CFAP251: variants seen among roughly 807,000 people sequenced by gnomAD.
CFAP251 encodes cilia and flagella associated protein 251, also known as cilia- and flagella-associated protein 251.
Under a neutral mutation model 126.7 loss-of-function variants are expected in CFAP251, and 93 were observed. That is an observed-to-expected ratio of 0.73 (90% confidence interval 0.62 to 0.87). The LOEUF (loss-of-function observed/expected upper bound fraction) is 0.87. Among genes scored for constraint, CFAP251 ranks in the 40% least tolerant of loss-of-function variants. The probability of loss-of-function intolerance (pLI) is 0.00; values close to 1 mark genes in which losing one functional copy is unlikely to be tolerated. For synonymous variants in CFAP251, 503 were observed against 506.9 expected, an observed-to-expected ratio of 0.99 and a Z score of 0.10; for missense variants, 1,287 against 1,389.2, an observed-to-expected ratio of 0.93 and a Z score of 1.17.
rs1452421276 is a variant in CFAP251, at chr12:121,918,670, A to C, written c.-46A>C. On this transcript the variant is annotated 5_prime_UTR_variant, in exon 1 of 22. Coordinates refer to ENST00000288912, the MANE Select transcript of CFAP251 (RefSeq NM_144668.6). The surrounding 1 kb of genome is among the most constrained non-coding windows in gnomAD (Gnocchi z 4.3). ...GTGGCTGAGGGGTCCAGGCGGCGGG[A>C]CGACTCTGGCCTTTTGAAGACCGGG... is the stretch of plus-strand genomic sequence containing the variant. 6.5e-6 allele frequency: 1 copy of C among 153,210 alleles called. No individual in the cohort carries two copies. The highest frequency in any genetic ancestry group is 1.5e-5 in the Non-Finnish European group (1 of 68,840). 9.5% of individuals were successfully genotyped at this position (153,210 alleles called of 1,614,324 possible).
At chr12:121,996,615 G>GA (rs1435850641) in intron 19 of CFAP251, among the ~76,000 whole-genome samples, 1 of 152,068 alleles carries the variant, frequency 6.6e-6, no homozygotes, top group African/African-American at 2.4e-5. Context: ...TCTCATTCGA[G>GA]AAAAATTAGA....
intron 19 of CFAP251, among the ~76,000 whole-genome samples, chr12:121,986,262 G>A (rs573339123): frequency 6.6e-6 from 1 of 151,500 alleles, no homozygotes; most frequent in East Asian, 1.9e-4. Flanking sequence ...AAAGTGCTGG[G>A]ATTATAGGCA....
intron 19 of CFAP251, among the ~76,000 whole-genome samples, chr12:121,977,608 C>T (rs1160476779): frequency 6.6e-6 from 1 of 151,756 alleles, no homozygotes; most frequent in Non-Finnish European, 1.5e-5. Flanking sequence ...TGCAGTGAGC[C>T]AAGATCACAC....
intron 7 of CFAP251, among the ~76,000 whole-genome samples, chr12:121,944,193 G>GT (rs1186229927): frequency 6.6e-6 from 1 of 152,170 alleles, no homozygotes; most frequent in East Asian, 1.9e-4. Flanking sequence ...AGGCACTGTG[G>GT]TAAGTACATG....
chr12:121,972,065 G>A (rs1882346428), intron 17 of CFAP251: 3 of 208,032 alleles, frequency 1.4e-5, no homozygotes, highest in Admixed American at 5.4e-5. Context: ...TCTTTCTTTT[G>A]TAAATTGTGC....
intron 21 of CFAP251, among the ~76,000 whole-genome samples, chr12:122,002,899 C>T (rs1186382442): frequency 6.6e-6 from 1 of 152,038 alleles, no homozygotes; most frequent in East Asian, 1.9e-4. Context: ...TTGTCCATTC[C>T]CCACATCAAA....
intron 19 of CFAP251, among the ~76,000 whole-genome samples, chr12:121,996,311 A>G (rs537682392): frequency 6.6e-6 from 1 of 152,166 alleles, no homozygotes; most frequent in African/African-American, 2.4e-5. Context: ...CAAACCCCAC[A>G]GTTTATTGGG....
intron 3 of CFAP251, among the ~76,000 whole-genome samples, chr12:121,925,048 A>G (rs1592960796): frequency 6.9e-6 from 1 of 145,772 alleles, no homozygotes; most frequent in Admixed American, 6.9e-5. Flanking sequence ...ACATTGTAAA[A>G]CTCCTCCTTC....
intron 10 of CFAP251, among the ~76,000 whole-genome samples, chr12:121,955,150 C>G (rs1382151036): frequency 6.6e-6 from 1 of 152,006 alleles, no homozygotes. Flanking sequence ...AAAAATTAGG[C>G]AGGTGTGGTG....
rs1207019997 is a variant in CFAP251, at chr12:121,934,307, GCAGA to G, written c.952_955del (p.Asp318LysfsTer7). The G allele has an allele frequency of 1.9e-6, 3 of 1,613,940 alleles. No homozygotes were observed. Among genetic ancestry groups the G allele is most frequent in the Admixed American group, 1.7e-5 (1 of 59,996 alleles). ...TGAAGACAGGCGGTGGATCGCCACA[GCAGA>G]CAAAGGGCCAGACTGCCTGGTGATT... On this transcript the variant is annotated frameshift_variant, in exon 5 of 22. Transcript: ENST00000288912. LOFTEE classifies it high-confidence loss of function.
At chr12:121,970,057 C>T (rs1028674733) in intron 17 of CFAP251, 1 of 676,542 alleles carries the variant, frequency 1.5e-6, no homozygotes, top group Non-Finnish European at 1.8e-6. Context: ...GAATTTCCTA[C>T]TAGAGTTACT....
chr12:121,954,904 A>T (rs370097109), intron 10 of CFAP251, among the ~76,000 whole-genome samples: 103 of 152,264 alleles, frequency 6.8e-4, no homozygotes, highest in Non-Finnish European at 1.2e-3. Context: ...AAGGAACTAG[A>T]TTTTTTCTTC....
intron 10 of CFAP251, among the ~76,000 whole-genome samples, chr12:121,954,636 TAAAA>T (rs1174239421): frequency 1.9e-4 from 8 of 41,984 alleles, no homozygotes; most frequent in African/African-American, 5.9e-4. Context: ...CCTCCTGTCT[TAAAA>T]AAAAAAAAAA....
At position 121,968,077 on chromosome 12, in the gene CFAP251, G is replaced by T. The variant is rs750049252; in HGVS notation, c.2679G>T (p.Gly893=). Residue 893 remains glycine, a synonymous_variant, in exon 17 of 22, where the codon GGG becomes GGT. Coordinates refer to ENST00000288912, the MANE Select transcript of CFAP251 (RefSeq NM_144668.6). The part of the protein sequence containing the change: ...KTSAIVCHPN[G]VAGMAVSYDG... ...CTGCTATTGTTTGCCACCCGAACGG[G>T]GTGGCCGGCATGGCCGTTTCCTATG... The T allele has an allele frequency of 1.9e-6, 3 of 1,613,726 alleles. No homozygotes were observed. The highest frequency in any genetic ancestry group is 1.1e-5 in the South Asian group (1 of 91,044).
chr12:121,980,358 G>GGAATTCT (rs754862887), intron 19 of CFAP251, among the ~76,000 whole-genome samples: 5 of 151,974 alleles, frequency 3.3e-5, no homozygotes, highest in Non-Finnish European at 7.4e-5. Context: ...TGGCTTCCAC[G>GGAATTCT]GAATTCTGAG....
At chr12:121,931,987 G>A in intron 4 of CFAP251, 101 bp downstream of exon 4, 8 of 1,194,372 alleles carry the variant, frequency 6.7e-6, no homozygotes, top group Non-Finnish European at 7.7e-6. Flanking sequence ...TATCACTGTC[G>A]TATTTTCCCA....
chr12:121,963,614 C>T (rs1318424111), intron 15 of CFAP251, among the ~76,000 whole-genome samples: 1 of 149,862 alleles, frequency 6.7e-6, no homozygotes, highest in Non-Finnish European at 1.5e-5. Context: ...CTCCTGATGC[C>T]ATCCTGCACA....
At chr12:121,923,534 C>T (rs776945697) in intron 2 of CFAP251, 88 bp from the exon 3 acceptor site, 6 of 1,490,714 alleles carry the variant, frequency 4.0e-6, no homozygotes, top group Non-Finnish European at 5.4e-6. Context: ...GAGGCTAACA[C>T]TAAGACTGGC....
rs1279202334 is a variant in CFAP251, at chr12:121,966,419, CCTGG to C, written c.2493-533_2493-530del. Among the ~76,000 whole-genome samples the C allele has an allele frequency of 8.7e-5, 10 of 114,424 alleles. No homozygotes were observed. In the South Asian group the frequency reaches 1.2e-3, roughly 14 times the overall value. The allele number at this position is 114,424 out of a possible 152,430, so 75.1% of individuals were successfully genotyped here. ...GGGACTACAGGCGCGCACCACTATG[CCTGG>C]CTAATTTTTTTTTTTTTTTTTTTTT... On this transcript the variant is annotated intron_variant, in intron 15 of 21. Transcript: ENST00000288912.
Sources: allele counts gnomAD v4.1 joint callset (sites outside exome capture counted in the v4.1 genomes callset), GRCh38; gene constraint gnomAD v4.1.1; non-coding constraint Gnocchi (gnomAD v3.1); transcripts MANE v1.5; gene names NCBI Gene and HGNC (gene_info 2026-07-23, HGNC 2026-07-21).